The following ZFR variants were observed in gnomAD, a reference collection of about 807,000 sequenced individuals.
ZFR encodes the protein zinc finger RNA binding protein.
Under a neutral mutation model 130.7 loss-of-function variants are expected in ZFR, and 19 were observed. That is an observed-to-expected ratio of 0.15 (90% confidence interval 0.10 to 0.21). The LOEUF (loss-of-function observed/expected upper bound fraction) is 0.21, where lower values mean the gene tolerates loss of function less well. Among genes scored for constraint, ZFR ranks in the 10% least tolerant of loss-of-function variants. ZFR has a pLI of 1.00. For synonymous variants in ZFR, 466 were observed against 456.9 expected (o/e 1.02, Z -0.25); for missense variants, 872 against 1,321.5 (o/e 0.66, Z 5.27).
At chr5:32,442,999 G>T (rs1754507641) in intron 2 of ZFR, among the ~76,000 whole-genome samples, 1 of 150,478 alleles carries the variant, frequency 6.6e-6, no homozygotes, top group Non-Finnish European at 1.5e-5. Context: ...AGGAGTTCGA[G>T]ATCAGCCTGG....
Position 32,419,847 on chromosome 5 carries a change from G to C in ZFR, c.394C>G (p.Pro132Ala), listed in dbSNP as rs376016449. Residue 132 changes from proline (P) to alanine (A), a missense_variant, in exon 3 of 20, where the codon CCC becomes GCC. Coordinates refer to ENST00000265069, the MANE Select transcript of ZFR (RefSeq NM_016107.5). ...TGGTAGTTTTGTGTAGTAGCTGGGG[G>C]TGGTGGTGGTGGTGCTTCTTGTTGC... ...QRQQEAPPPPPPATTQNYQDS... is the reference protein window; with the variant it reads ...QRQQEAPPPPAPATTQNYQDS... The C allele has an allele frequency of 1.2e-6, 2 of 1,601,126 alleles. No homozygotes were observed. Among genetic ancestry groups the C allele is most frequent in the Non-Finnish European group, 1.7e-6 (2 of 1,171,316 alleles).
intron 19 of ZFR, among the ~76,000 whole-genome samples, chr5:32,356,200 A>C (rs1312736501): frequency 6.6e-6 from 1 of 152,190 alleles, no homozygotes; most frequent in Non-Finnish European, 1.5e-5. Context: ...CAAAATTACA[A>C]AAATTATGAG....
intron 2 of ZFR, among the ~76,000 whole-genome samples, chr5:32,429,643 T>C (rs78574945): frequency 0.034 from 5,236 of 152,266 alleles, 125 homozygotes; most frequent in Non-Finnish European, 0.053. Context: ...CACTTACCTG[T>C]TGAGCAAGCC....
chr5:32,440,704 T>C (rs1754453293), intron 2 of ZFR, among the ~76,000 whole-genome samples: 1 of 151,270 alleles, frequency 6.6e-6, no homozygotes, highest in East Asian at 1.9e-4. Context: ...CCATAGTTTA[T>C]GGGACTTAGA....
Position 32,444,610 on chromosome 5 carries a change from C to T in ZFR, c.37+12G>A. The T allele has an allele frequency of 6.7e-7, 1 of 1,494,966 alleles. No homozygotes were observed. Among genetic ancestry groups the T allele is most frequent in the South Asian group, 1.3e-5 (1 of 77,090 alleles). The allele number at this position is 1,494,966 out of a possible 1,614,324, so 92.6% of individuals were successfully genotyped here. ...GGCCGGGCAGAGGCCTCGCGGGCCA[C>T]ATTAGACTCACCATAGGTGAAAGAA... On this transcript the variant is annotated intron_variant, in intron 1 of 19. Coordinates refer to ENST00000265069, the MANE Select transcript of ZFR (RefSeq NM_016107.5).
intron 14 of ZFR, 149 bp from the exon 15 acceptor site, chr5:32,385,798 T>C (rs1753031900): frequency 2.9e-6 from 2 of 680,742 alleles, no homozygotes; most frequent in Non-Finnish European, 4.8e-6. Context: ...AGCCCTGCCG[T>C]ACATGCCAGT....
intron 2 of ZFR, among the ~76,000 whole-genome samples, 153 bp downstream of exon 2, chr5:32,444,076 G>A (rs1754540606): frequency 6.7e-6 from 1 of 148,954 alleles, no homozygotes; most frequent in South Asian, 2.1e-4. Context: ...GGGGCGGGGC[G>A]GGGCGGGAGA....
At chr5:32,432,260 G>A (rs910652430) in intron 2 of ZFR, among the ~76,000 whole-genome samples, 1 of 152,118 alleles carries the variant, frequency 6.6e-6, no homozygotes, top group African/African-American at 2.4e-5. Context: ...AAGTTGAACA[G>A]TTAGTTGTAT....
chr5:32,355,951 A>G lies in ZFR; in HGVS notation c.3046-12T>C. 1.9e-6 allele frequency: 3 copies of G among 1,572,842 alleles called. No individual in the cohort carries two copies. The highest frequency in any genetic ancestry group is 2.6e-6 in the Non-Finnish European group (3 of 1,164,320). ...AGTCTCAATGCAAACTGCAACAAAG[A>G]GAGTCAGAATTTTGAGTTAATTGAA... On this transcript the variant is annotated splice_polypyrimidine_tract_variant and intron_variant, in intron 19 of 19. Transcript: ENST00000265069.
At chr5:32,411,313 A>G (rs1457023468) in intron 5 of ZFR, among the ~76,000 whole-genome samples, 1 of 152,224 alleles carries the variant, frequency 6.6e-6, no homozygotes, top group East Asian at 1.9e-4. Flanking sequence ...CCTCAAAGAG[A>G]GAAATGAGAG....
chr5:32,406,404 G>A (rs551157378), intron 6 of ZFR, among the ~76,000 whole-genome samples: 1 of 152,098 alleles, frequency 6.6e-6, no homozygotes, highest in Non-Finnish European at 1.5e-5. Context: ...TTAAGTTAAA[G>A]AATTTTGAAT....
chr5:32,395,043 A>C lies in ZFR; in HGVS notation c.1979+116T>G. 5.1e-6 allele frequency: 7 copies of C among 1,363,620 alleles called. 1 individual carries two copies. Among genetic ancestry groups the C allele is most frequent in the East Asian group, 2.6e-5 (1 of 38,702 alleles). 84.5% of individuals were successfully genotyped at this position (1,363,620 alleles called of 1,614,324 possible). A position where few individuals can be genotyped will look rare whatever the true frequency, so the allele number is the denominator to read the frequency against. On this transcript the variant is annotated intron_variant, in intron 11 of 19. Coordinates refer to ENST00000265069, the MANE Select transcript of ZFR (RefSeq NM_016107.5). ...AGACCTAGGATCTTCCTCAAGAGTG[A>C]AAATTGGAAGTAAATAAATCTGGAT... is the stretch of plus-strand genomic sequence containing the variant.
intron 15 of ZFR, among the ~76,000 whole-genome samples, chr5:32,381,531 G>A (rs948817369): frequency 2.6e-5 from 4 of 151,998 alleles, no homozygotes; most frequent in East Asian, 1.9e-4. Context: ...GAATATGGAC[G>A]AAAAAATACA....
chr5:32,358,214 G>T, intron 19 of ZFR, among the ~76,000 whole-genome samples: 1 of 152,202 alleles, frequency 6.6e-6, no homozygotes. Flanking sequence ...AAAATTAGCC[G>T]GGTGTGGTGG....
intron 5 of ZFR, among the ~76,000 whole-genome samples, chr5:32,410,794 T>C (rs1040638372): frequency 6.6e-6 from 1 of 151,970 alleles, no homozygotes. Flanking sequence ...CTGACCAAAA[T>C]TGTAGCTGCC....
intron 8 of ZFR, 143 bp downstream of exon 8, chr5:32,402,963 A>T (rs1753493562): frequency 1.3e-6 from 1 of 744,682 alleles, no homozygotes. Flanking sequence ...ATACACACAC[A>T]CTAGGCAGAT....
chr5:32,418,534 G>C (rs1448185216), intron 3 of ZFR, among the ~76,000 whole-genome samples: 2 of 152,156 alleles, frequency 1.3e-5, no homozygotes, highest in Middle Eastern at 3.2e-3. Context: ...GAAGTAAAGA[G>C]GGGTAGAAAG....
intron 8 of ZFR, 115 bp downstream of exon 8, chr5:32,402,991 C>T: frequency 9.9e-7 from 1 of 1,009,242 alleles, no homozygotes; most frequent in Admixed American, 2.5e-5. Context: ...GAAACAAGGT[C>T]CCAGAGAGAA....
At chr5:32,358,812 G>A (rs985860805) in intron 19 of ZFR, among the ~76,000 whole-genome samples, 1 of 152,080 alleles carries the variant, frequency 6.6e-6, no homozygotes, top group African/African-American at 2.4e-5. Context: ...GCCAAAAAGA[G>A]CCTACTGTTT....
Sources: allele counts gnomAD v4.1 joint callset (sites outside exome capture counted in the v4.1 genomes callset), GRCh38; gene constraint gnomAD v4.1.1; transcripts MANE v1.5; gene names NCBI Gene and HGNC (gene_info 2026-07-23, HGNC 2026-07-21).